ITK: variants seen among roughly 807,000 people sequenced by gnomAD.
The protein encoded by ITK is tyrosine-protein kinase ITK/TSK.
In ITK, 45 loss-of-function variants were observed where a neutral mutation model predicts 87.6. The observed-to-expected ratio is 0.51, with a 90% CI of 0.40 to 0.66. ITK has a LOEUF of 0.66. ITK is among the 30% of genes least tolerant of loss of function. ITK has a pLI of 0.00. For synonymous variants in ITK, 303 were observed against 273.6 expected, an observed-to-expected ratio of 1.11 and a Z score of -1.06; for missense variants, 605 against 766.3, an observed-to-expected ratio of 0.79 and a Z score of 2.48.
intron 5 of ITK, 23 bp downstream of exon 5, chr5:157,217,930 G>T (rs763068800): frequency 1.2e-6 from 2 of 1,607,744 alleles, no homozygotes; most frequent in South Asian, 1.1e-5. Flanking sequence ...GCTAGCTCCG[G>T]GTGCAGGTGG....
chr5:157,195,291 G>A (rs1221566860), intron 1 of ITK: 2 of 152,158 alleles, frequency 1.3e-5, no homozygotes, highest in Non-Finnish European at 2.9e-5. Flanking sequence ...TTCCAACTGT[G>A]TTTCAGATTT....
At chr5:157,208,036 C>T (rs163423) in intron 1 of ITK, among the ~76,000 whole-genome samples, 5,397 of 152,180 alleles carry the variant, frequency 0.035, 127 homozygotes, top group Admixed American at 0.075. Flanking sequence ...TAGCTGAATT[C>T]CATAGCTGAA....
chr5:157,230,742 C>A (rs556091448), intron 7 of ITK, among the ~76,000 whole-genome samples: 1 of 152,310 alleles, frequency 6.6e-6, no homozygotes, highest in South Asian at 2.1e-4. Flanking sequence ...TAATCAGAAT[C>A]TCTTTGTTTA....
At chr5:157,184,208 C>T (rs1257801704) in intron 1 of ITK, among the ~76,000 whole-genome samples, 1 of 152,148 alleles carries the variant, frequency 6.6e-6, no homozygotes, top group African/African-American at 2.4e-5. Context: ...GAGATAAGGG[C>T]ACATGGATGT....
At chr5:157,213,817 G>C (rs972012719) in intron 3 of ITK, 23 of 359,012 alleles carry the variant, frequency 6.4e-5, no homozygotes, top group South Asian at 3.7e-4. Context: ...GAGAGGTGGG[G>C]GGTGGTAATT....
At chr5:157,228,191 A>G in intron 6 of ITK, 105 bp from the exon 7 acceptor site, 1 of 771,760 alleles carries the variant, frequency 1.3e-6, no homozygotes, top group Non-Finnish European at 2.3e-6. Context: ...ATGCCAAATA[A>G]TGTGATATTC....
chr5:157,249,135 A>C, intron 16 of ITK, 128 bp downstream of exon 16: 1 of 820,386 alleles, frequency 1.2e-6, no homozygotes, highest in Non-Finnish European at 2.1e-6. Context: ...TAGCAACAAC[A>C]TGACTTTGAG....
Position 157,245,803 on chromosome 5 carries a change from T to A in ITK, c.1514+13T>A, listed in dbSNP as rs957817005. 5 of 1,613,720 alleles carry A rather than the reference T, an allele frequency of 3.1e-6. No homozygotes were observed. The highest frequency in any genetic ancestry group is 1.3e-5 in the African/African-American group (1 of 74,912). The stretch of plus-strand genomic sequence containing the variant: ...TTGGGATGACAAGGTAAAAGAGGGA[T>A]GTGGTGCCGGTGAAGTCTCAGGAAT... On this transcript the variant is annotated intron_variant, in intron 14 of 16. Coordinates refer to ENST00000422843, the MANE Select transcript of ITK (RefSeq NM_005546.4).
intron 9 of ITK, 93 bp from the exon 10 acceptor site, chr5:157,239,969 G>A: frequency 1.6e-6 from 2 of 1,273,708 alleles, no homozygotes; most frequent in Non-Finnish European, 2.2e-6. Flanking sequence ...GAGGTTATAA[G>A]ACAAAGATAA....
intron 1 of ITK, among the ~76,000 whole-genome samples, chr5:157,187,664 T>G (rs1580872771): frequency 6.6e-6 from 1 of 152,166 alleles, no homozygotes; most frequent in Non-Finnish European, 1.5e-5. Context: ...GAAAGGCACA[T>G]GTAGGAACTA....
chr5:157,182,544 A>G (rs563567961), intron 1 of ITK, among the ~76,000 whole-genome samples: 55 of 152,268 alleles, frequency 3.6e-4, no homozygotes, highest in African/African-American at 1.3e-3. Flanking sequence ...CAATCAGAAA[A>G]CACATGGAAT....
intron 5 of ITK, among the ~76,000 whole-genome samples, chr5:157,219,255 G>A (rs559457925): frequency 1.3e-5 from 2 of 151,992 alleles, no homozygotes; most frequent in African/African-American, 4.8e-5. Flanking sequence ...TGGGATTACA[G>A]GCGCTCACCA....
intron 1 of ITK, 145 bp downstream of exon 1, chr5:157,181,260 A>G: frequency 2.2e-6 from 2 of 922,546 alleles, no homozygotes; most frequent in Non-Finnish European, 3.5e-6. Flanking sequence ...CAGTAAAAGT[A>G]ATCAGAGGAG....
chr5:157,184,167 A>G (rs905438512), intron 1 of ITK, among the ~76,000 whole-genome samples: 5 of 152,138 alleles, frequency 3.3e-5, no homozygotes, highest in African/African-American at 1.2e-4. Context: ...GTTGTCCCTG[A>G]TGCCTGAAAT....
At chr5:157,209,428 T>C (rs1754145078) in intron 2 of ITK, among the ~76,000 whole-genome samples, 1 of 152,158 alleles carries the variant, frequency 6.6e-6, no homozygotes, top group Non-Finnish European at 1.5e-5. Flanking sequence ...CAAATCCCAT[T>C]AGGAAACGTA....
At chr5:157,195,412 G>A (rs1489250045) in intron 1 of ITK, 5 of 152,108 alleles carry the variant, frequency 3.3e-5, no homozygotes, top group Non-Finnish European at 7.3e-5. Flanking sequence ...CTTTTGTTTG[G>A]CGATCTTGTG....
rs1755223931 is a variant in ITK at position 157,255,066 on chromosome 5, C to T, written c.*2388C>T. ...AGATGCATATTTATTAATGTACAGT[C>T]ACTGCTAGTGTTCAAAATAAAAATG... On this transcript the variant is annotated 3_prime_UTR_variant, in exon 17 of 17. Coordinates refer to ENST00000422843, the MANE Select transcript of ITK (RefSeq NM_005546.4). The T allele has an allele frequency of 2.0e-5, 4 of 198,410 alleles. No homozygotes were observed. In the South Asian group the frequency reaches 7.7e-4, roughly 38 times the overall value. 12.3% of individuals were successfully genotyped at this position (198,410 alleles called of 1,614,324 possible).
At chr5:157,191,206 C>T (rs909753495) in intron 1 of ITK, among the ~76,000 whole-genome samples, 3 of 151,970 alleles carry the variant, frequency 2.0e-5, no homozygotes, top group African/African-American at 7.3e-5. Flanking sequence ...GTGGCACAGT[C>T]TCGGCTCACT....
Position 157,248,920 on chromosome 5 carries a change from G to A in ITK, c.1704G>A (p.Val568=). The change falls in exon 16 of 17, where the codon GTG becomes GTA. Residue 568 remains valine (V), a synonymous_variant. Transcript: ENST00000422843. Reference sequence around the variant, plus strand: ...AAAACCGAAGCAACTCAGAGGTGGTGGAAGACATCAGTACCGGATTTCGGT... The same window carrying A: ...AAAACCGAAGCAACTCAGAGGTGGTAGAAGACATCAGTACCGGATTTCGGT... ...PYENRSNSEV[V]EDISTGFRLY... 1.2e-6 allele frequency: 2 copies of A among 1,613,952 alleles called. No homozygotes were observed. The highest frequency in any genetic ancestry group is 1.1e-5 in the South Asian group (1 of 91,078).
Sources: gnomAD v4.1 joint callset for allele counts (sites outside exome capture counted in the v4.1 genomes callset) on GRCh38, gnomAD v4.1.1 for gene constraint, MANE v1.5 for transcripts, NCBI Gene and HGNC (gene_info 2026-07-23, HGNC 2026-07-21) for gene names.